The following RIGI variants were observed in gnomAD, a reference collection of about 807,000 sequenced individuals.
RIGI encodes the protein RNA sensor RIG-I, also known as antiviral innate immune response receptor RIG-I.
At chr9:32,511,199 T>C in the RIGI span, among the ~76,000 whole-genome samples, 2 of 152,100 alleles carry the variant, frequency 1.3e-5, no homozygotes, top group Non-Finnish European at 2.9e-5. Flanking sequence ...TTAACAAGAA[T>C]ATTCAGGACT....
At chr9:32,460,289 C>T in the RIGI span, among the ~76,000 whole-genome samples, 4 of 152,260 alleles carry the variant, frequency 2.6e-5, no homozygotes, top group Admixed American at 2.6e-4. Flanking sequence ...TGAAAACAGA[C>T]TAATACAGCC....
At chr9:32,486,118 T>C in the RIGI span, among the ~76,000 whole-genome samples, 1 of 152,174 alleles carries the variant, frequency 6.6e-6, no homozygotes, top group South Asian at 2.1e-4. Context: ...GAGAGAAATA[T>C]ACATGGCTAA....
the RIGI span, among the ~76,000 whole-genome samples, chr9:32,508,598 G>A: frequency 2.0e-4 from 31 of 152,052 alleles, no homozygotes; most frequent in African/African-American, 6.3e-4. Context: ...CCAAGTCTTC[G>A]CAACCAGCAG....
the RIGI span, chr9:32,485,114 T>A: frequency 8.2e-7 from 1 of 1,224,910 alleles, no homozygotes; most frequent in African/African-American, 1.5e-5. Flanking sequence ...AAAAAGACGA[T>A]AGTGAACAAT....
the RIGI span, among the ~76,000 whole-genome samples, chr9:32,490,224 A>G: frequency 1.3e-5 from 2 of 152,178 alleles, no homozygotes; most frequent in Non-Finnish European, 2.9e-5. Context: ...AAAAAATACA[A>G]AAATTAACCA....
chr9:32,462,954 C>T, the RIGI span, among the ~76,000 whole-genome samples: 1 of 152,044 alleles, frequency 6.6e-6, no homozygotes, highest in Non-Finnish European at 1.5e-5. Context: ...GTCCAGAGTT[C>T]AAGACCAGCC....
At chr9:32,523,602 T>C in the RIGI span, among the ~76,000 whole-genome samples, 1 of 152,132 alleles carries the variant, frequency 6.6e-6, no homozygotes, top group Non-Finnish European at 1.5e-5. Flanking sequence ...TTTCCAAATG[T>C]GTCTTGAATC....
the RIGI span, chr9:32,487,715 G>A: frequency 2.6e-6 from 4 of 1,514,024 alleles, no homozygotes; most frequent in East Asian, 9.1e-5. Flanking sequence ...CTTTCCTGCT[G>A]GGGTAGGGCG....
chr9:32,457,051 T>C, the RIGI span: 43 of 1,187,372 alleles, frequency 3.6e-5, no homozygotes, highest in East Asian at 8.4e-4. Flanking sequence ...TCCATGATTA[T>C]ACCCACTATG....
the RIGI span, among the ~76,000 whole-genome samples, chr9:32,513,118 T>C: frequency 6.6e-6 from 1 of 151,640 alleles, no homozygotes; most frequent in Non-Finnish European, 1.5e-5. Flanking sequence ...GTAGGAAGAA[T>C]CAATATCGTG....
chr9:32,516,067 A>G, the RIGI span, among the ~76,000 whole-genome samples: 1 of 152,190 alleles, frequency 6.6e-6, no homozygotes, highest in African/African-American at 2.4e-5. Context: ...TTAAACTTGA[A>G]GCTTACACTT....
the RIGI span, among the ~76,000 whole-genome samples, chr9:32,458,188 T>C: frequency 6.6e-6 from 1 of 152,228 alleles, no homozygotes; most frequent in African/African-American, 2.4e-5. Context: ...GCAAGAGTTA[T>C]ACCCCATATT....
chr9:32,492,510 C>A, the RIGI span: 1 of 1,614,168 alleles, frequency 6.2e-7, no homozygotes, highest in East Asian at 2.2e-5. Flanking sequence ...TTTCTCTGCA[C>A]CTGCCATCAT....
the RIGI span, among the ~76,000 whole-genome samples, chr9:32,471,692 A>G: frequency 6.6e-6 from 1 of 152,214 alleles, no homozygotes; most frequent in East Asian, 1.9e-4. Context: ...TGTTGAATGA[A>G]CGGATGAATA....
the RIGI span, among the ~76,000 whole-genome samples, chr9:32,460,751 G>A: frequency 6.7e-6 from 1 of 150,232 alleles, no homozygotes; most frequent in Non-Finnish European, 1.5e-5. Context: ...TACCCAATCT[G>A]AACAACAAAA....
chr9:32,486,620 A>G, the RIGI span, among the ~76,000 whole-genome samples: 1 of 152,006 alleles, frequency 6.6e-6, no homozygotes, highest in Non-Finnish European at 1.5e-5. Flanking sequence ...GGCAAAGAAA[A>G]AGAAAAAAAA....
the RIGI span, among the ~76,000 whole-genome samples, chr9:32,475,128 T>C: frequency 6.6e-6 from 1 of 151,978 alleles, no homozygotes; most frequent in African/African-American, 2.4e-5. Flanking sequence ...ATTTTTGTAT[T>C]TTTAGTAGAG....
At chr9:32,459,377 C>T in the RIGI span, 2 of 1,612,926 alleles carry the variant, frequency 1.2e-6, no homozygotes, top group Non-Finnish European at 1.7e-6. Context: ...TTACCTCTAT[C>T]ACTCTTACGT....
the RIGI span, among the ~76,000 whole-genome samples, chr9:32,496,292 C>T: frequency 1.6e-3 from 248 of 152,252 alleles, 2 homozygotes; most frequent in African/African-American, 5.7e-3. Flanking sequence ...TTTTCTGTGT[C>T]AACTTGACTG....
Sources: gnomAD v4.1 joint callset for allele counts (sites outside exome capture counted in the v4.1 genomes callset) on GRCh38, gnomAD v4.1.1 for gene constraint, MANE v1.5 for transcripts, NCBI Gene and HGNC (gene_info 2026-07-23, HGNC 2026-07-21) for gene names.